Variants in TBC1D20 observed in about 807,000 individuals in gnomAD.
TBC1D20 encodes the protein TBC1 domain family member 20.
TBC1D20 carries 12 observed loss-of-function variants against 41.6 expected under a neutral mutation model. The observed-to-expected ratio is 0.29, with a 90% CI of 0.18 to 0.47. TBC1D20 has a LOEUF of 0.47. Among genes scored for constraint, TBC1D20 ranks in the 20% least tolerant of loss-of-function variants. The pLI is 1.00. For missense variants in TBC1D20, 421 were observed against 517.4 expected (o/e 0.81, Z 1.81); for synonymous variants, 205 against 204.8 (o/e 1.00, Z -0.01).
intron 3 of TBC1D20, among the ~76,000 whole-genome samples, chr20:442,935 T>TA (rs1239127424): frequency 1.3e-5 from 2 of 151,806 alleles, no homozygotes; most frequent in African/African-American, 4.8e-5. Context: ...CCGTCTCTAA[T>TA]AAAAAATACA....
intron 1 of TBC1D20, among the ~76,000 whole-genome samples, chr20:454,884 C>G (rs926710642): frequency 3.3e-5 from 5 of 152,120 alleles, no homozygotes; most frequent in African/African-American, 4.8e-5. Flanking sequence ...CCATGCCAGG[C>G]TGGTCTCGAA....
chr20:443,073 C>A (rs558157822), intron 3 of TBC1D20, among the ~76,000 whole-genome samples: 1 of 152,054 alleles, frequency 6.6e-6, no homozygotes, highest in South Asian at 2.1e-4. Flanking sequence ...GCACTGCAGC[C>A]CGGGCGAGAG....
At chr20:448,322 T>C (rs1009738607) in intron 1 of TBC1D20, among the ~76,000 whole-genome samples, 32 of 152,176 alleles carry the variant, frequency 2.1e-4, no homozygotes, top group Non-Finnish European at 7.4e-5. Flanking sequence ...TTTAAAAAGA[T>C]AGTCTCTTTT....
intron 3 of TBC1D20, among the ~76,000 whole-genome samples, chr20:443,992 G>A (rs2017285432): frequency 6.6e-6 from 1 of 152,052 alleles, no homozygotes; most frequent in Non-Finnish European, 1.5e-5. Context: ...TTAGCTGGGC[G>A]TGGTGGCGGG....
chr20:440,051 A>G (rs2017197042), intron 6 of TBC1D20, among the ~76,000 whole-genome samples, 197 bp downstream of exon 6: 2 of 152,202 alleles, frequency 1.3e-5, no homozygotes, highest in South Asian at 4.1e-4. Context: ...TTTTGTTTAT[A>G]CCCAGCATTT....
chr20:453,343 G>A (rs73602116), intron 1 of TBC1D20, among the ~76,000 whole-genome samples: 1 of 149,248 alleles, frequency 6.7e-6, no homozygotes, highest in Non-Finnish European at 1.5e-5. Flanking sequence ...GCGTGGCGGC[G>A]CATGCCTGTA....
intron 1 of TBC1D20, among the ~76,000 whole-genome samples, chr20:457,090 C>A (rs1185677493): frequency 6.6e-6 from 1 of 151,886 alleles, no homozygotes; most frequent in Non-Finnish European, 1.5e-5. Flanking sequence ...GCATGCACCA[C>A]CATGCCTGGC....
chr20:446,207 G>A (rs2017328499), intron 2 of TBC1D20, among the ~76,000 whole-genome samples: 2 of 152,232 alleles, frequency 1.3e-5, no homozygotes, highest in African/African-American at 2.4e-5. Flanking sequence ...CTGTTCTACA[G>A]GACTTTTACT....
chr20:459,660 T>C (rs969104568), intron 1 of TBC1D20, among the ~76,000 whole-genome samples: 1 of 152,148 alleles, frequency 6.6e-6, no homozygotes, highest in Non-Finnish European at 1.5e-5. Flanking sequence ...TATTTATTTA[T>C]TTATAAAGAG....
At chr20:452,093 G>C (rs1681714378) in intron 1 of TBC1D20, among the ~76,000 whole-genome samples, 1 of 152,144 alleles carries the variant, frequency 6.6e-6, no homozygotes, top group Non-Finnish European at 1.5e-5. Context: ...CAGATCACGA[G>C]GTCAGGTGTT....
chr20:453,074 G>A (rs1555755184), intron 1 of TBC1D20, among the ~76,000 whole-genome samples: 1 of 145,720 alleles, frequency 6.9e-6, no homozygotes, highest in Non-Finnish European at 1.5e-5. Context: ...TGAACCCAGG[G>A]GGCGGAGATT....
intron 1 of TBC1D20, among the ~76,000 whole-genome samples, chr20:456,118 C>CA (rs2017535586): frequency 1.3e-5 from 2 of 151,812 alleles, no homozygotes; most frequent in Non-Finnish European, 2.9e-5. Flanking sequence ...CTTGTCTCTA[C>CA]AAAAAATAGG....
At position 438,528 on chromosome 20, in the gene TBC1D20, T is replaced by G. The variant is rs2017160942; in HGVS notation, c.*58A>C. On this transcript the variant is annotated 3_prime_UTR_variant, in exon 8 of 8. Coordinates refer to ENST00000354200, the MANE Select transcript of TBC1D20 (RefSeq NM_144628.4). ...ATAAAGGAAATTCCACCCCTCCCAA[T>G]CCTTCCATGGAAGGGTGAGACCTTA... 1 of 1,566,154 alleles carries G rather than the reference T, an allele frequency of 6.4e-7. No homozygotes were observed. The highest frequency in any genetic ancestry group is 8.7e-7 in the Non-Finnish European group (1 of 1,145,746).
chr20:455,985 G>A (rs563926890), intron 1 of TBC1D20, among the ~76,000 whole-genome samples: 5 of 151,318 alleles, frequency 3.3e-5, no homozygotes, highest in African/African-American at 7.3e-5. Context: ...AACCACTGCC[G>A]GGCATGGTTT....
At chr20:447,805 G>T in intron 2 of TBC1D20, 84 bp downstream of exon 2, 1 of 1,236,676 alleles carries the variant, frequency 8.1e-7, no homozygotes, top group South Asian at 1.7e-5. Context: ...GGTTTGAAAG[G>T]ACCATAAAAA....
Position 462,508 on chromosome 20 carries a change from C to A in TBC1D20, c.-103G>T, listed in dbSNP as rs6107369. On this transcript the variant is annotated 5_prime_UTR_variant, in exon 1 of 8. Transcript: ENST00000354200. ...GTAGCACCCGCTCGGCATCGGCAGG[C>A]TCCCCTCCGTCGGCCAGCGGCGCGC... 377 of 644,546 alleles carry A rather than the reference C, an allele frequency of 5.8e-4. No homozygotes were observed. The African/African-American group carries it at 6.6e-3, about 11-fold the overall frequency. 39.9% of individuals were successfully genotyped at this position (644,546 alleles called of 1,614,324 possible).
At chr20:449,450 C>A (rs1260015502) in intron 1 of TBC1D20, among the ~76,000 whole-genome samples, 2 of 151,480 alleles carry the variant, frequency 1.3e-5, no homozygotes, top group African/African-American at 2.4e-5. Flanking sequence ...CAAAAATTAG[C>A]CAGGCGTGGT....
At position 458,757 on chromosome 20, in the gene TBC1D20, A is replaced by G. The variant is rs74976985; in HGVS notation, c.70+3579T>C. On this transcript the variant is annotated intron_variant, in intron 1 of 7. Transcript: ENST00000354200. ...GTTCCTCTGGAAAAAACTGGCTTGC[A>G]GTAAATGACATTATTTTTCCCATAC... is the stretch of plus-strand genomic sequence containing the variant. Among the ~76,000 whole-genome samples the G allele has an allele frequency of 4.1e-3, 618 of 152,346 alleles. 2 individuals carry two copies. Among genetic ancestry groups the G allele is most frequent in the African/African-American group, 0.014 (577 of 41,580 alleles).
At chr20:455,297 A>T (rs1159495338) in intron 1 of TBC1D20, among the ~76,000 whole-genome samples, 1 of 152,150 alleles carries the variant, frequency 6.6e-6, no homozygotes, top group Non-Finnish European at 1.5e-5. Context: ...CCAGTTTGGA[A>T]GCCAAATTAA....
Sources: gnomAD v4.1 joint callset for allele counts (sites outside exome capture counted in the v4.1 genomes callset) on GRCh38, gnomAD v4.1.1 for gene constraint, MANE v1.5 for transcripts, NCBI Gene and HGNC (gene_info 2026-07-23, HGNC 2026-07-21) for gene names.